The following MYO1F variants were observed in gnomAD, a reference collection of about 807,000 sequenced individuals.
MYO1F encodes myosin IF.
In MYO1F, 60 loss-of-function variants were observed where a neutral mutation model predicts 146.6. The ratio of observed to expected loss-of-function variants is 0.41; its 90% CI spans 0.33 to 0.51. MYO1F has a LOEUF of 0.51. Among genes scored for constraint, MYO1F ranks in the 20% least tolerant of loss-of-function variants. The probability of loss-of-function intolerance (pLI) is 0.25; values close to 1 mark genes in which losing one functional copy is unlikely to be tolerated. For synonymous variants in MYO1F, 602 were observed against 602.1 expected (o/e 1.00, Z 0.00); for missense variants, 1,274 against 1,534.3 (o/e 0.83, Z 2.83).
Position 8,525,482 on chromosome 19 carries a change from TG to T in MYO1F, c.2850del (p.Arg951GlufsTer110). 1.2e-6 allele frequency: 2 copies of T among 1,613,048 alleles called. No individual in the cohort carries two copies. The highest frequency in any genetic ancestry group is 1.7e-5 in the Admixed American group (1 of 60,012). Reference sequence around the variant, plus strand: ...AGCAAGGGACGCAGCTCCTCACCTCTGGGGGGCGCAGGGGCCGCCCGGGTAG... The same window carrying T: ...AGCAAGGGACGCAGCTCCTCACCTCTGGGGGCGCAGGGGCCGCCCGGGTAG... ...QAPTRAAPAP[P>X]RGMDRNGVPP... On this transcript the variant is annotated frameshift_variant, in exon 25 of 28. Transcript: ENST00000644032. LOFTEE classifies it high-confidence loss of function.
intron 1 of MYO1F, among the ~76,000 whole-genome samples, chr19:8,564,555 G>A (rs973294517): frequency 1.3e-5 from 2 of 152,012 alleles, no homozygotes; most frequent in African/African-American, 4.8e-5. Flanking sequence ...ACCCGGACCA[G>A]GCAGGGGAGG....
intron 25 of MYO1F, among the ~76,000 whole-genome samples, chr19:8,523,279 C>T (rs957177263): frequency 2.2e-4 from 34 of 152,056 alleles, no homozygotes; most frequent in African/African-American, 5.8e-4. Flanking sequence ...GTGATCCGCC[C>T]GCCTTGGCCT....
rs1333744883 is a variant in MYO1F, at chr19:8,526,814, G to T, written c.2596C>A (p.Pro866Thr). The T allele has an allele frequency of 6.2e-7, 1 of 1,613,006 alleles. No homozygotes were observed. The highest frequency in any genetic ancestry group is 8.5e-7 in the Non-Finnish European group (1 of 1,179,664). Residue 866 changes from proline to threonine, a missense_variant, in exon 23 of 28, where the codon CCC (proline) becomes ACC (threonine). Pro to Thr is a conservative substitution (Grantham distance 38). This residue lies in a region of MYO1F where 374 missense variants were observed against 379.2 expected (regional missense o/e 0.99). Transcript: ENST00000644032. ...GTGTCGCTGAAGGTGAGGGGCAGGG[G>T]CCTCCGCGTCGCCTCCTCGAAGCGC... Reference protein sequence around the residue: ...CKRFEEATRRPLPLTFSDTLQ... With the variant: ...CKRFEEATRRTLPLTFSDTLQ...
At chr19:8,540,374 T>C (rs1414083922) in intron 15 of MYO1F, 1 of 167,870 alleles carries the variant, frequency 6.0e-6, no homozygotes, top group East Asian at 1.5e-4. Flanking sequence ...ATTTTTTCTT[T>C]GTCACAAAAA....
rs751856878 is a variant in MYO1F at position 8,551,750 on chromosome 19, C to A, written c.761G>T (p.Gly254Val). 2 of 1,614,152 alleles carry A rather than the reference C, an allele frequency of 1.2e-6. No individual in the cohort carries two copies. The highest frequency in any genetic ancestry group is 1.1e-5 in the South Asian group (1 of 91,084). Residue 254 changes from glycine to valine, a missense_variant, in exon 8 of 28, where the codon GGT (glycine) becomes GTT (valine). Transcript: ENST00000644032. ...GAGGCCGGTGCTCACCAGAGTCTCA[C>A]CAAAGTCGCTTCTGTCGTCCGTGCC... is the stretch of plus-strand genomic sequence containing the variant. ...VDGTDDRSDF[G>V]ETLSAMQVIG...
chr19:8,562,699 T>C (rs1423837307), intron 1 of MYO1F, among the ~76,000 whole-genome samples: 1 of 151,514 alleles, frequency 6.6e-6, no homozygotes, highest in Non-Finnish European at 1.5e-5. Flanking sequence ...TGTGCCCAGC[T>C]ACTTAAATTT....
chr19:8,547,995 C>CCCCCCCCCG, intron 12 of MYO1F, 41 bp downstream of exon 12: 1 of 1,091,318 alleles, frequency 9.2e-7, no homozygotes, highest in South Asian at 1.2e-5. Flanking sequence ...CACCCCACCC[C>CCCCCCCCCG]CACCCCAGGA....
At chr19:8,564,635 C>T (rs970782269) in intron 1 of MYO1F, among the ~76,000 whole-genome samples, 6 of 151,304 alleles carry the variant, frequency 4.0e-5, no homozygotes, top group African/African-American at 1.5e-4. Context: ...TCACTGGAGA[C>T]TAAGAGGGGC....
intron 14 of MYO1F, among the ~76,000 whole-genome samples, chr19:8,542,657 A>G (rs1973029610): frequency 6.6e-6 from 1 of 150,728 alleles, no homozygotes; most frequent in African/African-American, 2.4e-5. Context: ...CTGGAGTGCA[A>G]TGACACGATC....
chr19:8,564,444 A>G (rs56184962), intron 1 of MYO1F, among the ~76,000 whole-genome samples: 58,406 of 151,804 alleles, frequency 0.38, 12,893 homozygotes, highest in East Asian at 0.64. Context: ...GGGGTGCGTC[A>G]GGAGATGACA....
rs7255459 is a variant in MYO1F at position 8,565,293 on chromosome 19, A to G, written c.4-9497T>C. ...TGCAGTAGCTCACGCCTGTAATCCC[A>G]GCACTTTGGGAGGTTGACTCGGGCA... is the stretch of plus-strand genomic sequence containing the variant. On this transcript the variant is annotated intron_variant, in intron 1 of 27. Transcript: ENST00000644032. Among the ~76,000 whole-genome samples, 941 of 152,132 alleles carry G rather than the reference A, an allele frequency of 6.2e-3. 9 individuals are homozygous for G. The highest frequency in any genetic ancestry group is 0.021 in the African/African-American group (883 of 41,538).
intron 1 of MYO1F, among the ~76,000 whole-genome samples, chr19:8,571,736 T>C (rs2042112989): frequency 1.3e-5 from 2 of 152,310 alleles, no homozygotes; most frequent in Admixed American, 1.3e-4. Context: ...TAGCTGGGAC[T>C]ACAGGCACCC....
intron 16 of MYO1F, 40 bp downstream of exon 16, chr19:8,539,907 C>T: frequency 6.3e-7 from 1 of 1,579,986 alleles, no homozygotes; most frequent in African/African-American, 1.3e-5. Flanking sequence ...GAACTCAGCC[C>T]TCTGCAGGCC....
rs113395896 is a variant in MYO1F at position 8,540,101 on chromosome 19, G to A, written c.1611-73C>T. The A allele has an allele frequency of 0.015, 19,150 of 1,274,562 alleles. 1,982 individuals are homozygous for A. In the African/African-American group the frequency reaches 0.23, roughly 15 times the overall value. The allele number at this position is 1,274,562 out of a possible 1,614,324, so 79.0% of individuals were successfully genotyped here. A position where few individuals can be genotyped will look rare whatever the true frequency, so the allele number is the denominator to read the frequency against. On this transcript the variant is annotated intron_variant, in intron 15 of 27. Transcript: ENST00000644032. ...CGGGTACTCTTCCTCCAGGGGTGGG[G>A]CAGCCTCAATGCCGCAACGCAAAAT...
In MYO1F at chr19:8,556,908, AAAG is replaced by A. The variant is rs1183594519; in HGVS notation, c.4-1115_4-1113del. On this transcript the variant is annotated intron_variant, in intron 1 of 27. Transcript: ENST00000644032. ...GTCTCAAAAAAAAAAAAAAAAAAAA[AAAG>A]GAAGCCAATCTGAAAAGGCTATTTA... Among the ~76,000 whole-genome samples, 1,045 of 148,456 alleles carry A rather than the reference AAAG, an allele frequency of 7.0e-3. 10 individuals carry two copies. The highest frequency in any genetic ancestry group is 0.026 in the African/African-American group (998 of 38,420).
At chr19:8,551,692 G>A (rs931662692) in intron 8 of MYO1F, 48 bp downstream of exon 8, 1 of 1,613,840 alleles carries the variant, frequency 6.2e-7, no homozygotes, top group Non-Finnish European at 8.5e-7. Context: ...AGGGTTTCTG[G>A]GGCTGAGGTC....
intron 16 of MYO1F, 88 bp from the exon 17 acceptor site, chr19:8,537,143 T>C: frequency 2.3e-6 from 2 of 867,938 alleles, no homozygotes; most frequent in South Asian, 1.4e-5. Context: ...ACAGTCCCAA[T>C]AGACAGAGAC....
chr19:8,544,036 C>CGGTGGTGGTGGT, intron 14 of MYO1F: 2 of 270,190 alleles, frequency 7.4e-6, no homozygotes, highest in Non-Finnish European at 1.3e-5. Flanking sequence ...GTGGCGGTGG[C>CGGTGGTGGTGGT]GGTGCTGGTG....
chr19:8,530,504 G>C lies in MYO1F; in HGVS notation c.2113C>G (p.Arg705Gly). Reference protein sequence around the residue: ...GFARTIQKAWRRHVAVRKYEE... With the variant: ...GFARTIQKAWGRHVAVRKYEE... ...TACTTCCGGACAGCCACGTGGCGCC[G>C]CCAGGCCTTCTGGATGGTTCGGGCA... The change falls in exon 20 of 28, where the codon CGG becomes GGG. Residue 705 changes from arginine to glycine, a missense_variant. Arg to Gly is a moderately radical substitution (Grantham distance 125). This residue lies in a region of MYO1F where 900 missense variants were observed against 1,155.1 expected (regional missense o/e 0.78). Coordinates refer to ENST00000644032, the MANE Select transcript of MYO1F (RefSeq NM_012335.4). This position sits in a 1 kb window ranked among gnomAD's most constrained non-coding sequence, Gnocchi z 5.8. 6.2e-7 allele frequency: 1 copy of C among 1,613,622 alleles called. No individual in the cohort carries two copies.
Sources: gnomAD v4.1 joint callset for allele counts (sites outside exome capture counted in the v4.1 genomes callset) on GRCh38, gnomAD v4.1.1 for gene constraint, gnomAD v4.1.1 regional missense constraint, Gnocchi (gnomAD v3.1) non-coding constraint, MANE v1.5 for transcripts, NCBI Gene and HGNC (gene_info 2026-07-23, HGNC 2026-07-21) for gene names.